Variants in P2RY8 observed in about 807,000 individuals in gnomAD.
The protein encoded by P2RY8 is S-geranylgeranyl-glutathione receptor P2RY8.
In P2RY8, 6 loss-of-function variants were observed where a neutral mutation model predicts 10.0. The ratio of observed to expected loss-of-function variants is 0.60; its 90% confidence interval spans 0.33 to 1.19. The LOEUF (loss-of-function observed/expected upper bound fraction) is 1.19. P2RY8 is among the 50% of genes most tolerant of loss of function. The probability of loss-of-function intolerance (pLI) is 0.04; values close to 1 mark genes in which losing one functional copy is unlikely to be tolerated. For synonymous variants in P2RY8, 276 were observed against 252.5 expected (o/e 1.09, Z -0.88); for missense variants, 456 against 542.0 (o/e 0.84, Z 1.58).
intron 1 of P2RY8, among the ~76,000 whole-genome samples, chrX:1,480,690 A>C (rs2091924886): frequency 6.6e-6 from 1 of 151,996 alleles, no homozygotes; most frequent in Non-Finnish European, 1.5e-5. Context: ...GGGATAGAGG[A>C]GGGAGAGCAT....
At chrX:1,468,700 G>A (rs1438913017) in intron 1 of P2RY8, among the ~76,000 whole-genome samples, 3 of 150,512 alleles carry the variant, frequency 2.0e-5, no homozygotes, top group Non-Finnish European at 3.0e-5. Flanking sequence ...ACAGGTGGGC[G>A]CTCAGGGGCT....
intron 1 of P2RY8, among the ~76,000 whole-genome samples, chrX:1,507,455 C>T (rs1304098490): frequency 6.6e-6 from 1 of 152,170 alleles, no homozygotes; most frequent in African/African-American, 2.4e-5. Flanking sequence ...CCCAAGCCTT[C>T]CTAGCTGAAA....
intron 1 of P2RY8, among the ~76,000 whole-genome samples, chrX:1,470,321 T>C (rs1215648210): frequency 1.3e-5 from 2 of 151,898 alleles, no homozygotes; most frequent in Non-Finnish European, 2.9e-5. Flanking sequence ...AGACCAGCCT[T>C]CCCAACATGG....
chrX:1,502,044 G>A (rs2092186075), intron 1 of P2RY8, among the ~76,000 whole-genome samples: 1 of 152,130 alleles, frequency 6.6e-6, no homozygotes, highest in South Asian at 2.1e-4. Flanking sequence ...TTGAATATCT[G>A]GAACTACAGG....
chrX:1,478,635 T>C (rs56808808), intron 1 of P2RY8, among the ~76,000 whole-genome samples: 4,800 of 152,034 alleles, frequency 0.032, 259 homozygotes, highest in African/African-American at 0.11. Flanking sequence ...CCTGCCACCA[T>C]GCTTGGCTAA....
intron 1 of P2RY8, among the ~76,000 whole-genome samples, chrX:1,493,374 GAA>G (rs2092076439): frequency 1.9e-5 from 1 of 51,338 alleles, no homozygotes; most frequent in Non-Finnish European, 4.0e-5. Context: ...GGGGAGGGAG[GAA>G]GGAGGAAGGA....
At chrX:1,510,873 C>A (rs1250444693) in intron 1 of P2RY8, among the ~76,000 whole-genome samples, 4 of 127,880 alleles carry the variant, frequency 3.1e-5, no homozygotes, top group Admixed American at 2.4e-4. Flanking sequence ...AGTGTGACTC[C>A]GTCTCAAAAA....
chrX:1,475,420 C>G (rs1448799270), intron 1 of P2RY8, among the ~76,000 whole-genome samples: 2 of 151,938 alleles, frequency 1.3e-5, no homozygotes, highest in Admixed American at 1.3e-4. Context: ...TCCCTCAGAG[C>G]CCTAATGAGG....
At chrX:1,535,937 A>G (rs2149419685) in intron 1 of P2RY8, among the ~76,000 whole-genome samples, 1 of 152,128 alleles carries the variant, frequency 6.6e-6, no homozygotes, top group South Asian at 2.1e-4. Context: ...TTCTAAGCGG[A>G]CCTGTACAAA....
At chrX:1,530,171 TCTATC>T (rs2092463909) in intron 1 of P2RY8, among the ~76,000 whole-genome samples, 2 of 100,292 alleles carry the variant, frequency 2.0e-5, no homozygotes, top group African/African-American at 8.8e-5. Context: ...TATCTATCTA[TCTATC>T]TATCTATCTA....
intron 1 of P2RY8, among the ~76,000 whole-genome samples, chrX:1,468,213 C>T (rs1184163171): frequency 1.3e-5 from 2 of 152,236 alleles, no homozygotes; most frequent in Non-Finnish European, 2.9e-5. Context: ...ATTGGGATTA[C>T]AGGTGTGAGC....
intron 1 of P2RY8, among the ~76,000 whole-genome samples, chrX:1,508,849 CCATT>C (rs1197305432): frequency 6.3e-5 from 8 of 127,608 alleles, no homozygotes; most frequent in African/African-American, 1.9e-4. Context: ...CTCCATCCAT[CCATT>C]CATCCATCCA....
intron 1 of P2RY8, among the ~76,000 whole-genome samples, chrX:1,492,966 A>C (rs2092068231): frequency 6.6e-6 from 1 of 151,910 alleles, no homozygotes; most frequent in African/African-American, 2.4e-5. Flanking sequence ...AGTTTCCGTT[A>C]CTGGTAAAAC....
chrX:1,512,404 A>AG (rs1413611516), intron 1 of P2RY8, among the ~76,000 whole-genome samples: 4 of 151,960 alleles, frequency 2.6e-5, no homozygotes, highest in Non-Finnish European at 5.9e-5. Context: ...AAAATTAGCC[A>AG]GGCGTGGTGG....
At chrX:1,513,990 A>G (rs185119908) in intron 1 of P2RY8, among the ~76,000 whole-genome samples, 1 of 152,294 alleles carries the variant, frequency 6.6e-6, no homozygotes, top group Admixed American at 6.5e-5. Flanking sequence ...TTCAGCAAAC[A>G]AAGTCCTGTT....
chrX:1,494,509 A>G (rs1286493686), intron 1 of P2RY8, among the ~76,000 whole-genome samples: 2 of 151,628 alleles, frequency 1.3e-5, no homozygotes, highest in Non-Finnish European at 2.9e-5. Flanking sequence ...TTTTTCTCCT[A>G]ATGCGGTATT....
At chrX:1,505,980 CT>C (rs1454456262) in intron 1 of P2RY8, among the ~76,000 whole-genome samples, 1 of 137,314 alleles carries the variant, frequency 7.3e-6, no homozygotes. Context: ...ATCTTAATTT[CT>C]TTCTTCTTTT....
intron 1 of P2RY8, among the ~76,000 whole-genome samples, chrX:1,470,588 T>G (rs1396912817): frequency 6.6e-6 from 1 of 152,048 alleles, no homozygotes; most frequent in African/African-American, 2.4e-5. Context: ...CCAGCCCCTG[T>G]GAACCTCAAA....
intron 1 of P2RY8, among the ~76,000 whole-genome samples, chrX:1,516,960 T>C (rs1387417296): frequency 6.6e-6 from 1 of 151,508 alleles, no homozygotes; most frequent in Non-Finnish European, 1.5e-5. Context: ...TATTCTGTGT[T>C]AGCAGCCTGA....
Sources: gnomAD v4.1 joint callset for allele counts (sites outside exome capture counted in the v4.1 genomes callset) on GRCh38, gnomAD v4.1.1 for gene constraint, MANE v1.5 for transcripts, NCBI Gene and HGNC (gene_info 2026-07-23, HGNC 2026-07-21) for gene names.